GTF2F2: variants seen among roughly 807,000 people sequenced by gnomAD.
The protein encoded by GTF2F2 is general transcription factor IIF subunit 2.
Under a neutral mutation model 42.2 loss-of-function variants are expected in GTF2F2, and 23 were observed. That is an observed-to-expected ratio of 0.55 (90% CI 0.39 to 0.77). GTF2F2 has a LOEUF of 0.77. Ranked by LOEUF, GTF2F2 falls within the 30% of genes least tolerant of loss-of-function variation. GTF2F2 has a pLI of 0.00. For synonymous variants in GTF2F2, 105 were observed against 100.8 expected, an observed-to-expected ratio of 1.04 and a Z score of -0.25; for missense variants, 261 against 287.2, an observed-to-expected ratio of 0.91 and a Z score of 0.66.
Position 45,151,757 on chromosome 13 carries a change from C to A in GTF2F2, c.230C>A (p.Ala77Asp). The A allele has an allele frequency of 6.3e-7, 1 of 1,592,558 alleles. No homozygotes were observed. ...GGTGGAAAACCAGCTTCAGTCAGTG[C>A]TCCTAGAGAACATCCATTTGTCTTG... ...DIGGKPASVS[A>D]PREHPFVLQS... Residue 77 changes from alanine to aspartate, a missense_variant, in exon 4 of 8, where the codon GCT becomes GAT. Transcript: ENST00000340473.
intron 4 of GTF2F2, among the ~76,000 whole-genome samples, chr13:45,187,109 G>A (rs1333745393): frequency 6.6e-6 from 1 of 152,122 alleles, no homozygotes; most frequent in Non-Finnish European, 1.5e-5. Flanking sequence ...GGATACGTTG[G>A]CAAGGTGTGG....
chr13:45,219,107 C>G (rs577921359), intron 5 of GTF2F2, among the ~76,000 whole-genome samples: 37 of 151,668 alleles, frequency 2.4e-4, no homozygotes, highest in African/African-American at 8.5e-4. Flanking sequence ...ATAGTGGGTC[C>G]CTCACTTTTA....
chr13:45,210,338 A>G (rs888489115), intron 5 of GTF2F2, among the ~76,000 whole-genome samples: 2 of 152,130 alleles, frequency 1.3e-5, no homozygotes, highest in Non-Finnish European at 2.9e-5. Context: ...TCCACACTGC[A>G]GCCTTTGCAC....
At position 45,138,419 on chromosome 13, in the gene GTF2F2, A is replaced by ACTGAT. The variant is rs565271799; in HGVS notation, c.140+1615_140+1616insGATCT. On this transcript the variant is annotated intron_variant, in intron 2 of 7. Coordinates refer to ENST00000340473, the MANE Select transcript of GTF2F2 (RefSeq NM_004128.3). ...TACTCCCAGAATCAACCACTGACCT[A>ACTGAT]CTAGAATTGACCGCTGATCTAGAGT... 4.5e-4 allele frequency among the ~76,000 whole-genome samples: 69 copies of ACTGAT among 152,274 alleles called. 1 individual carries two copies. The East Asian group carries it at 0.013, about 28-fold the overall frequency.
intron 1 of GTF2F2, among the ~76,000 whole-genome samples, chr13:45,132,722 A>G (rs1351713587): frequency 6.6e-6 from 1 of 152,022 alleles, no homozygotes; most frequent in East Asian, 1.9e-4. Context: ...AAAGCAAGTA[A>G]AAGTATCCAA....
rs1344814177 is a variant in GTF2F2, at chr13:45,275,698, A to G, written c.631-7744A>G. On this transcript the variant is annotated intron_variant, in intron 7 of 7. Coordinates refer to ENST00000340473, the MANE Select transcript of GTF2F2 (RefSeq NM_004128.3). ...GTGCCACATTTTCTTAATCCAGTCT[A>G]TCATTGATGGACATTTGGGTTGGTT... 2.0e-5 allele frequency among the ~76,000 whole-genome samples: 3 copies of G among 151,962 alleles called. No homozygotes were observed. The East Asian group carries it at 5.8e-4, about 29-fold the overall frequency.
intron 7 of GTF2F2, among the ~76,000 whole-genome samples, chr13:45,277,315 TG>T (rs1465213434): frequency 1.3e-5 from 2 of 152,150 alleles, no homozygotes; most frequent in African/African-American, 4.8e-5. Flanking sequence ...GCTCAGCTTC[TG>T]GGTAGGCCAC....
At chr13:45,205,294 A>G (rs921145034) in intron 4 of GTF2F2, among the ~76,000 whole-genome samples, 2 of 152,196 alleles carry the variant, frequency 1.3e-5, no homozygotes, top group African/African-American at 4.8e-5. Context: ...GTGAGAGCAC[A>G]GGAAAAAGCT....
intron 5 of GTF2F2, among the ~76,000 whole-genome samples, chr13:45,249,137 GTTC>G (rs1315237777): frequency 6.6e-6 from 1 of 152,164 alleles, no homozygotes; most frequent in Non-Finnish European, 1.5e-5. Flanking sequence ...GTTGCCAGTT[GTTC>G]TTGTCACTTC....
chr13:45,177,998 A>G (rs1367472166), intron 4 of GTF2F2, among the ~76,000 whole-genome samples: 2 of 152,052 alleles, frequency 1.3e-5, no homozygotes, highest in East Asian at 1.9e-4. Flanking sequence ...TTAATGTGAT[A>G]TGTCTACATG....
At chr13:45,179,774 T>G (rs1284376881) in intron 4 of GTF2F2, among the ~76,000 whole-genome samples, 1 of 152,238 alleles carries the variant, frequency 6.6e-6, no homozygotes, top group Non-Finnish European at 1.5e-5. Flanking sequence ...TTTTAATTGT[T>G]TTTCAGAGGG....
chr13:45,202,719 G>A (rs1452113748), intron 4 of GTF2F2, among the ~76,000 whole-genome samples: 1 of 152,190 alleles, frequency 6.6e-6, no homozygotes, highest in African/African-American at 2.4e-5. Flanking sequence ...TTGGGAGGCC[G>A]AGGTGGGCAG....
intron 1 of GTF2F2, among the ~76,000 whole-genome samples, chr13:45,123,819 A>G (rs1297228046): frequency 7.1e-6 from 1 of 141,196 alleles, no homozygotes; most frequent in Non-Finnish European, 1.5e-5. Context: ...TTGGCTGAGC[A>G]CAGGGGACTT....
At chr13:45,212,537 A>T (rs377650268) in intron 5 of GTF2F2, among the ~76,000 whole-genome samples, 110 of 56,126 alleles carry the variant, frequency 2.0e-3, no homozygotes, top group Middle Eastern at 0.014. Flanking sequence ...TCTCTTTCTC[A>T]CTTTCTCTCT....
intron 4 of GTF2F2, among the ~76,000 whole-genome samples, chr13:45,162,255 C>T (rs1871074377): frequency 6.6e-6 from 1 of 152,174 alleles, no homozygotes; most frequent in Non-Finnish European, 1.5e-5. Flanking sequence ...CTGCATTTCA[C>T]AGGGCAGCCA....
At position 45,136,759 on chromosome 13, in the gene GTF2F2, G is replaced by C; in HGVS notation, c.93G>C (p.Trp31Cys). 6.3e-7 allele frequency: 1 copy of C among 1,598,396 alleles called. No homozygotes were observed. Among genetic ancestry groups the C allele is most frequent in the Non-Finnish European group, 8.6e-7 (1 of 1,166,602 alleles). The change falls in exon 2 of 8, where the codon TGG (tryptophan) becomes TGC (cysteine). Residue 31 changes from tryptophan (W) to cysteine (C), a missense_variant. By Grantham distance (215) the Trp-to-Cys change is radical. Coordinates refer to ENST00000340473, the MANE Select transcript of GTF2F2 (RefSeq NM_004128.3). ...VKVPKYLSQQ[W>C]AKASGRGEVG... ...TTCCTAAATATTTGTCACAGCAATG[G>C]GCTAAAGCCTCTGGAAGAGGTGAAG...
rs138463823 is a variant in GTF2F2, at chr13:45,244,203, C to G, written c.387-8668C>G. On this transcript the variant is annotated intron_variant, in intron 5 of 7. Transcript: ENST00000340473. ...TAGTTGTAGGGAGGCTGATGACTGT[C>G]AAGGAGAAATTACTTTGAACTAAGT... Among the ~76,000 whole-genome samples, 251 of 152,128 alleles carry G rather than the reference C, an allele frequency of 1.6e-3. 2 individuals are homozygous for G. The highest frequency in any genetic ancestry group is 5.8e-3 in the African/African-American group (242 of 41,480).
chr13:45,243,746 C>T (rs780759384), intron 5 of GTF2F2, among the ~76,000 whole-genome samples: 1 of 152,146 alleles, frequency 6.6e-6, no homozygotes, highest in Non-Finnish European at 1.5e-5. Flanking sequence ...CTGCAGCCTC[C>T]ACCTCCTGGG....
At chr13:45,121,229 G>A (rs1169328162) in intron 1 of GTF2F2, among the ~76,000 whole-genome samples, 1 of 152,226 alleles carries the variant, frequency 6.6e-6, no homozygotes, top group Non-Finnish European at 1.5e-5. Context: ...CACAGAAGGA[G>A]AGGTCATTGG....
Sources: gnomAD v4.1 joint callset for allele counts (sites outside exome capture counted in the v4.1 genomes callset) on GRCh38, gnomAD v4.1.1 for gene constraint, MANE v1.5 for transcripts, NCBI Gene and HGNC (gene_info 2026-07-23, HGNC 2026-07-21) for gene names.